The following MMP24 variants were observed in gnomAD, a reference collection of about 807,000 sequenced individuals.
The protein encoded by MMP24 is matrix metallopeptidase 24.
MMP24 carries 25 observed loss-of-function variants against 62.8 expected under a neutral mutation model. That is an observed-to-expected ratio of 0.40 (90% confidence interval 0.29 to 0.56). The LOEUF (loss-of-function observed/expected upper bound fraction) is 0.56, where lower values mean the gene tolerates loss of function less well. Ranked by LOEUF, MMP24 falls within the 20% of genes least tolerant of loss-of-function variation. The pLI, the probability that MMP24 is intolerant of heterozygous loss-of-function variation, is 0.50. For missense variants in MMP24, 634 were observed against 853.6 expected (o/e 0.74, Z 3.21); for synonymous variants, 319 against 350.5 (o/e 0.91, Z 1.00).
chr20:35,239,554 C>T (rs2060478587), intron 1 of MMP24, among the ~76,000 whole-genome samples: 1 of 152,136 alleles, frequency 6.6e-6, no homozygotes, highest in Admixed American at 6.5e-5. Context: ...TGTGCTGTGG[C>T]TCACGCCTGT....
intron 4 of MMP24, among the ~76,000 whole-genome samples, chr20:35,260,728 A>T (rs2060598312): frequency 6.6e-6 from 1 of 152,202 alleles, no homozygotes; most frequent in Non-Finnish European, 1.5e-5. Context: ...CCTTGCACTG[A>T]TCTTGCCCAT....
At chr20:35,261,226 C>G (rs565100236) in intron 4 of MMP24, among the ~76,000 whole-genome samples, 1 of 152,318 alleles carries the variant, frequency 6.6e-6, no homozygotes, top group South Asian at 2.1e-4. Flanking sequence ...ATACAGAAGC[C>G]CAGGGGAGTT....
intron 1 of MMP24, among the ~76,000 whole-genome samples, chr20:35,230,044 C>T (rs1023519299): frequency 2.0e-5 from 3 of 152,048 alleles, no homozygotes; most frequent in Non-Finnish European, 4.4e-5. Flanking sequence ...GGCTGGAGTG[C>T]AGTGGGGTGA....
At chr20:35,240,689 C>A (rs558854504) in intron 1 of MMP24, among the ~76,000 whole-genome samples, 1 of 152,122 alleles carries the variant, frequency 6.6e-6, no homozygotes, top group South Asian at 2.1e-4. Context: ...CTAATAGATA[C>A]CAGGAATTGT....
chr20:35,235,259 C>T (rs1454123927), intron 1 of MMP24, among the ~76,000 whole-genome samples: 1 of 152,076 alleles, frequency 6.6e-6, no homozygotes, highest in Non-Finnish European at 1.5e-5. Context: ...CAAAGATTAG[C>T]TGTGTATGGT....
intron 1 of MMP24, among the ~76,000 whole-genome samples, chr20:35,244,995 G>A (rs1373909075): frequency 1.3e-5 from 2 of 151,584 alleles, no homozygotes; most frequent in Non-Finnish European, 2.9e-5. Context: ...AAACATTTTC[G>A]AGAATAGGAC....
chr20:35,267,259 G>C lies in MMP24; in HGVS notation c.1034G>C (p.Arg345Pro). The C allele has an allele frequency of 6.2e-7, 1 of 1,606,298 alleles. No homozygotes were observed. The highest frequency in any genetic ancestry group is 8.5e-7 in the Non-Finnish European group (1 of 1,176,722). ...PTRPLPTLPV[R>P]RIHSPSERKH... Reference sequence around the variant, plus strand: ...AGGCCACTCCCTACACTCCCCGTCCGCAGGATCCACTCACCATCGGAGAGG... The same window carrying C: ...AGGCCACTCCCTACACTCCCCGTCCCCAGGATCCACTCACCATCGGAGAGG... Residue 345 changes from arginine to proline, a missense_variant, in exon 6 of 9, where the codon CGC becomes CCC. By Grantham distance (103) the Arg-to-Pro change is moderately radical. Coordinates refer to ENST00000246186, the MANE Select transcript of MMP24 (RefSeq NM_006690.4).
intron 2 of MMP24, among the ~76,000 whole-genome samples, chr20:35,250,213 A>G (rs559463782): frequency 2.2e-4 from 34 of 152,238 alleles, no homozygotes; most frequent in Non-Finnish European, 4.1e-4. Context: ...TCAGCTTCCC[A>G]AAGTGCTAGG....
At chr20:35,239,740 T>A (rs1009185986) in intron 1 of MMP24, among the ~76,000 whole-genome samples, 1 of 151,986 alleles carries the variant, frequency 6.6e-6, no homozygotes, top group African/African-American at 2.4e-5. Flanking sequence ...GGTGGGAGGA[T>A]CACTTGAGCC....
At chr20:35,229,159 T>C (rs1479809037) in intron 1 of MMP24, among the ~76,000 whole-genome samples, 1 of 152,220 alleles carries the variant, frequency 6.6e-6, no homozygotes, top group Admixed American at 6.5e-5. Flanking sequence ...CCATCTTGCA[T>C]TGCACTCAGT....
chr20:35,229,270 T>C (rs924382675), intron 1 of MMP24, among the ~76,000 whole-genome samples: 1 of 152,198 alleles, frequency 6.6e-6, no homozygotes, highest in Non-Finnish European at 1.5e-5. Context: ...AAGGGCTTAA[T>C]ATGATCTGAA....
intron 4 of MMP24, among the ~76,000 whole-genome samples, chr20:35,255,169 A>G (rs1350745156): frequency 1.3e-5 from 2 of 152,132 alleles, no homozygotes; most frequent in African/African-American, 2.4e-5. Flanking sequence ...TGTCTCCACT[A>G]AAAATACAAA....
At position 35,275,648 on chromosome 20, in the gene MMP24, G is replaced by A. The variant is rs1315049482; in HGVS notation, c.*1039G>A. The stretch of plus-strand genomic sequence containing the variant: ...AGAGATGGCTGCAGGGCCAACACTG[G>A]CAGAGCCTGGGAGTCCTTCGGAAGG... On this transcript the variant is annotated 3_prime_UTR_variant, in exon 9 of 9. Coordinates refer to ENST00000246186, the MANE Select transcript of MMP24 (RefSeq NM_006690.4). The A allele has an allele frequency of 5.7e-6, 1 of 176,040 alleles. No individual in the cohort carries two copies. The highest frequency in any genetic ancestry group is 1.2e-5 in the Non-Finnish European group (1 of 84,376). The allele number at this position is 176,040 out of a possible 1,614,324, so 10.9% of individuals were successfully genotyped here.
At chr20:35,246,706 G>A in intron 1 of MMP24, 134 bp from the exon 2 acceptor site, 1 of 1,027,498 alleles carries the variant, frequency 9.7e-7, no homozygotes, top group Non-Finnish European at 1.4e-6. Flanking sequence ...ATGGGGTGAA[G>A]GAAAAAGAAC....
At position 35,275,960 on chromosome 20, in the gene MMP24, G is replaced by A; in HGVS notation, c.*1351G>A. Reference sequence around the variant, plus strand: ...CTGCCTTGCTCCACAGTACGGCGGAGGCAGCCCTGCTTGTCACTGAGGAGC... The same window carrying A: ...CTGCCTTGCTCCACAGTACGGCGGAAGCAGCCCTGCTTGTCACTGAGGAGC... On this transcript the variant is annotated 3_prime_UTR_variant, in exon 9 of 9. Coordinates refer to ENST00000246186, the MANE Select transcript of MMP24 (RefSeq NM_006690.4). 5.0e-6 allele frequency: 2 copies of A among 398,636 alleles called. No individual in the cohort carries two copies. The highest frequency in any genetic ancestry group is 8.8e-6 in the Non-Finnish European group (2 of 226,096). The allele number at this position is 398,636 out of a possible 1,614,324, so 24.7% of individuals were successfully genotyped here. A position where few individuals can be genotyped will look rare whatever the true frequency, so the allele number is the denominator to read the frequency against.
intron 1 of MMP24, among the ~76,000 whole-genome samples, chr20:35,233,236 A>C (rs971178431): frequency 3.3e-5 from 5 of 152,130 alleles, no homozygotes; most frequent in Admixed American, 6.6e-5. Flanking sequence ...GTGAAACCCT[A>C]TCTCTATTAA....
rs2060655706 is a variant in MMP24, at chr20:35,269,570, G to A, written c.1195-190G>A. The stretch of plus-strand genomic sequence containing the variant: ...ATTGTCCACCCAGCAGCAAGAGTCA[G>A]CAGGAGGCTGAATTGAAGACAGTTA... On this transcript the variant is annotated intron_variant, in intron 6 of 8. Transcript: ENST00000246186. This position sits in a 1 kb window ranked among gnomAD's most constrained non-coding sequence, Gnocchi z 4.6. Among the ~76,000 whole-genome samples the A allele has an allele frequency of 6.6e-6, 1 of 152,122 alleles. No homozygotes were observed.
intron 1 of MMP24, among the ~76,000 whole-genome samples, chr20:35,243,829 A>G (rs564100281): frequency 6.6e-6 from 1 of 152,354 alleles, no homozygotes; most frequent in East Asian, 1.9e-4. Flanking sequence ...AGGCAGAGGA[A>G]AAAACATGTA....
intron 2 of MMP24, among the ~76,000 whole-genome samples, chr20:35,248,420 C>G (rs1404088191): frequency 6.6e-6 from 1 of 151,766 alleles, no homozygotes; most frequent in African/African-American, 2.4e-5. Flanking sequence ...ATTCTCCTGC[C>G]TCAGCCTCCC....
Sources: gnomAD v4.1 joint callset for allele counts (sites outside exome capture counted in the v4.1 genomes callset) on GRCh38, gnomAD v4.1.1 for gene constraint, Gnocchi (gnomAD v3.1) non-coding constraint, MANE v1.5 for transcripts, NCBI Gene and HGNC (gene_info 2026-07-23, HGNC 2026-07-21) for gene names.